DKK3: variants seen among roughly 807,000 people sequenced by gnomAD.
The protein encoded by DKK3 is dickkopf Wnt signaling pathway inhibitor 3.
Under a neutral mutation model 33.2 loss-of-function variants are expected in DKK3, and 22 were observed. The ratio of observed to expected loss-of-function variants is 0.66; its 90% CI spans 0.47 to 0.95. The LOEUF (loss-of-function observed/expected upper bound fraction) is 0.95, where lower values mean the gene tolerates loss of function less well. DKK3 is among the 40% of genes least tolerant of loss of function. DKK3 has a pLI of 0.00. For missense variants in DKK3, 398 were observed against 458.4 expected (o/e 0.87, Z 1.20); for synonymous variants, 194 against 188.8 (o/e 1.03, Z -0.23).
Position 11,964,241 on chromosome 11 carries a change from CA to C in DKK3, c.*222del. The C allele has an allele frequency of 1.7e-6, 1 of 597,614 alleles. No individual in the cohort carries two copies. The highest frequency in any genetic ancestry group is 2.9e-6 in the Non-Finnish European group (1 of 344,946). The allele number at this position is 597,614 out of a possible 1,614,324, so 37.0% of individuals were successfully genotyped here. A position where few individuals can be genotyped will look rare whatever the true frequency, so the allele number is the denominator to read the frequency against. On this transcript the variant is annotated 3_prime_UTR_variant, in exon 7 of 7. Transcript: ENST00000683431. ...GGACAGGGGTGGCAAACTGCTCCTG[CA>C]GTTTAACCCTGCCTGACTCTCCCAA...
chr11:12,009,106 C>T, upstream of DKK3: 26 of 985,614 alleles, frequency 2.6e-5, no homozygotes, highest in Non-Finnish European at 3.1e-5. Flanking sequence ...CGCCCCGCCC[C>T]ACATCCACCA....
Position 11,998,776 on chromosome 11 carries a change from T to C in DKK3, c.355A>G (p.Thr119Ala). ...IHVHREIHKI[T>A]NNQTGQMVFS... ...ACCATTTGTCCAGTCTGGTTGTTGG[T>C]TATCTACAGTAAAACAGGTACAATG... The change falls in exon 3 of 7, where the codon ACC (threonine) becomes GCC (alanine). Residue 119 changes from threonine to alanine, a missense_variant. Transcript: ENST00000683431. 6.2e-7 allele frequency: 1 copy of C among 1,612,818 alleles called. No homozygotes were observed.
At chr11:12,009,222 G>T, upstream of DKK3, 1 of 984,538 alleles carries the variant, frequency 1.0e-6, no homozygotes, top group South Asian at 4.7e-5. Flanking sequence ...GCTCGCTCCC[G>T]CCGGGAGGCC....
At chr11:11,967,202 A>C in intron 4 of DKK3, 104 bp from the exon 5 acceptor site, 2 of 1,381,474 alleles carry the variant, frequency 1.4e-6, no homozygotes, top group South Asian at 2.8e-5. Context: ...GCATCCTCCC[A>C]TTGTAGAGAC....
chr11:11,981,185 C>T (rs1233408363), intron 3 of DKK3, among the ~76,000 whole-genome samples: 1 of 152,150 alleles, frequency 6.6e-6, no homozygotes, highest in Admixed American at 6.5e-5. Flanking sequence ...TAAGAGGCAA[C>T]ATAGCTTCCA....
chr11:11,977,305 C>T (rs1223516536), intron 3 of DKK3, among the ~76,000 whole-genome samples: 2 of 151,940 alleles, frequency 1.3e-5, no homozygotes, highest in Non-Finnish European at 2.9e-5. Context: ...CCAATATATA[C>T]AGACAGCTCC....
At position 11,965,916 on chromosome 11, in the gene DKK3, G is replaced by A. The variant is rs780033190; in HGVS notation, c.723C>T (p.Cys241=). 6.2e-7 allele frequency: 1 copy of A among 1,613,974 alleles called. No homozygotes were observed. The highest frequency in any genetic ancestry group is 1.7e-4 in the Middle Eastern group (1 of 6,056). Reference sequence around the variant, plus strand: ...CCAGAAGCCGGCTGGCGGGGTCATGGCAAAGCTCGCCCTCCACGGGCAGGG... The same window carrying A: ...CCAGAAGCCGGCTGGCGGGGTCATGACAAAGCTCGCCCTCCACGGGCAGGG... ...CTPLPVEGEL[C]HDPASRLLDL... Residue 241 remains cysteine, a synonymous_variant, in exon 6 of 7, where the codon TGC becomes TGT. Transcript: ENST00000683431.
intron 3 of DKK3, among the ~76,000 whole-genome samples, chr11:11,988,434 C>G (rs1232600438): frequency 6.6e-6 from 1 of 152,242 alleles, no homozygotes; most frequent in African/African-American, 2.4e-5. Flanking sequence ...TGACCCACTT[C>G]CCTTCCACTG....
intron 2 of DKK3, chr11:12,002,033 A>T (rs1848439201): frequency 3.2e-6 from 1 of 310,624 alleles, no homozygotes; most frequent in Non-Finnish European, 5.9e-6. Flanking sequence ...TCAAATGATA[A>T]TCCCTGGACA....
At chr11:11,969,782 G>C (rs1042110853) in intron 3 of DKK3, among the ~76,000 whole-genome samples, 1 of 152,208 alleles carries the variant, frequency 6.6e-6, no homozygotes, top group Non-Finnish European at 1.5e-5. Context: ...CTGCTGCTCT[G>C]ATCAACACTG....
At chr11:11,992,023 G>C (rs539228744) in intron 3 of DKK3, among the ~76,000 whole-genome samples, 6 of 152,162 alleles carry the variant, frequency 3.9e-5, no homozygotes, top group Non-Finnish European at 8.8e-5. Context: ...TCCGATGTTA[G>C]AGACTGTCTT....
chr11:11,968,489 T>C lies in DKK3; in HGVS notation c.436-2A>G, dbSNP rs1288407098. On this transcript the variant is annotated splice_acceptor_variant, in intron 3 of 6. Transcript: ENST00000683431. LOFTEE classifies it high-confidence loss of function. ...ACAGTCCTCGTCGATGATGCACTCC[T>C]GGGGAAGGGCACAGGGAGCAGATGT... The C allele has an allele frequency of 6.2e-7, 1 of 1,612,590 alleles. No homozygotes were observed. The highest frequency in any genetic ancestry group is 8.5e-7 in the Non-Finnish European group (1 of 1,179,230).
intron 4 of DKK3, among the ~76,000 whole-genome samples, chr11:11,967,370 G>A (rs1193874916): frequency 2.0e-5 from 3 of 152,204 alleles, no homozygotes; most frequent in Admixed American, 1.3e-4. Context: ...GAACAGCAGG[G>A]GGTCTTTGTG....
intron 3 of DKK3, among the ~76,000 whole-genome samples, chr11:11,984,096 C>T (rs1003500137): frequency 6.6e-6 from 1 of 152,114 alleles, no homozygotes; most frequent in African/African-American, 2.4e-5. Context: ...TGGACACTGG[C>T]CTTTTTAAAA....
Position 11,964,647 on chromosome 11 carries a change from C to A in DKK3, c.870G>T (p.Gly290=), listed in dbSNP as rs563274961. Residue 290 remains glycine, a synonymous_variant, in exon 7 of 7, where the codon GGG becomes GGT. Transcript: ENST00000683431. The part of the protein sequence containing the change: ...LVYVCKPTFV[G]SRDQDGEILL... ...GGATCTCCCCATCTTGGTCACGGCT[C>A]CCCACGAAGGTCGGCTTGCACACAT... 1.2e-6 allele frequency: 2 copies of A among 1,614,114 alleles called. No individual in the cohort carries two copies. The highest frequency in any genetic ancestry group is 1.3e-5 in the African/African-American group (1 of 75,038).
At chr11:11,970,951 T>C (rs1847711614) in intron 3 of DKK3, among the ~76,000 whole-genome samples, 1 of 152,072 alleles carries the variant, frequency 6.6e-6, no homozygotes, top group South Asian at 2.1e-4. Flanking sequence ...ACAGCATCAA[T>C]AGGAAACTAA....
chr11:11,965,856 G>A lies in DKK3; in HGVS notation c.783C>T (p.Ala261=), dbSNP rs1316072383. Residue 261 remains alanine, a synonymous_variant, in exon 6 of 7, where the codon GCC becomes GCT. Coordinates refer to ENST00000683431, the MANE Select transcript of DKK3 (RefSeq NM_001018057.2). ...CACTGGCACAAGGGCATCGGTCCAA[G>A]GCTCCATCAGGCTCTAGCTCCCAGG... ...LITWELEPDG[A]LDRCPCASGL... 6.2e-7 allele frequency: 1 copy of A among 1,614,204 alleles called. No homozygotes were observed. The highest frequency in any genetic ancestry group is 8.5e-7 in the Non-Finnish European group (1 of 1,180,048).
intron 3 of DKK3, among the ~76,000 whole-genome samples, chr11:11,997,972 C>T (rs1299741760): frequency 1.3e-5 from 2 of 152,168 alleles, no homozygotes; most frequent in Admixed American, 1.3e-4. Flanking sequence ...GGCACACTTT[C>T]CCTACTGGCC....
chr11:12,004,712 G>A (rs1848501758), intron 1 of DKK3, among the ~76,000 whole-genome samples: 1 of 152,216 alleles, frequency 6.6e-6, no homozygotes, highest in African/African-American at 2.4e-5. Flanking sequence ...AAGAATTAAG[G>A]ACCATGCAGT....
Sources: gnomAD v4.1 joint callset for allele counts (sites outside exome capture counted in the v4.1 genomes callset) on GRCh38, gnomAD v4.1.1 for gene constraint, MANE v1.5 for transcripts, NCBI Gene and HGNC (gene_info 2026-07-23, HGNC 2026-07-21) for gene names.